The following CEP170 variants were observed in gnomAD, a reference collection of about 807,000 sequenced individuals.
CEP170 encodes the protein centrosomal protein of 170 kDa.
CEP170 carries 21 observed loss-of-function variants against 151.9 expected under a neutral mutation model. That is an observed-to-expected ratio of 0.14 (90% CI 0.10 to 0.20). The LOEUF (loss-of-function observed/expected upper bound fraction) is 0.20. Ranked by LOEUF, CEP170 falls within the 10% of genes least tolerant of loss-of-function variation. The probability of loss-of-function intolerance (pLI) is 1.00; values close to 1 mark genes in which losing one functional copy is unlikely to be tolerated. For synonymous variants in CEP170, 356 were observed against 648.8 expected, an observed-to-expected ratio of 0.55 and a Z score of 6.86; for missense variants, 964 against 1,892.9, an observed-to-expected ratio of 0.51 and a Z score of 9.11.
At chr1:243,221,588 A>G (rs1025336979) in intron 3 of CEP170, 136 bp downstream of exon 3, 14 of 816,162 alleles carry the variant, frequency 1.7e-5, no homozygotes, top group Non-Finnish European at 2.7e-5. Context: ...CCAAAGTGCT[A>G]TGTACCTGAT....
intron 4 of CEP170, among the ~76,000 whole-genome samples, chr1:243,204,341 G>T (rs2061267063): frequency 6.6e-6 from 1 of 152,128 alleles, no homozygotes. Flanking sequence ...TATAGTTTTA[G>T]ATGCTATGAT....
Position 243,164,516 on chromosome 1 carries a change from A to T in CEP170, c.3444T>A (p.Asp1148Glu). 6.2e-7 allele frequency: 1 copy of T among 1,612,622 alleles called. No homozygotes were observed. Among genetic ancestry groups the T allele is most frequent in the East Asian group, 2.2e-5 (1 of 44,854 alleles). Residue 1148 changes from aspartate to glutamate, a missense_variant, in exon 13 of 20, where the codon GAT (aspartate) becomes GAA (glutamate). Transcript: ENST00000366542. ...GTGTTCTACGAGGCTGAGCCAATAA[A>T]TCAATCCGAGAGATGTTACGCCTTC... ...PTGRRNISRI[D>E]LLAQPRRTRL...
chr1:243,244,471 C>T lies in CEP170; in HGVS notation c.-42+10569G>A, dbSNP rs868679887. 7.2e-5 allele frequency among the ~76,000 whole-genome samples: 11 copies of T among 152,160 alleles called. No individual in the cohort carries two copies. The Middle Eastern group carries it at 0.01, about 141-fold the overall frequency. On this transcript the variant is annotated intron_variant, in intron 1 of 19. Transcript: ENST00000366542. ...AAAGTAAAAACTCTGGGCCAGGAGC[C>T]GTGGCTCACGCCTGTAATCACAGCA...
At chr1:243,178,536 A>C (rs1296836698) in intron 10 of CEP170, among the ~76,000 whole-genome samples, 2 of 152,112 alleles carry the variant, frequency 1.3e-5, no homozygotes, top group African/African-American at 4.8e-5. Flanking sequence ...GTGACTGCTT[A>C]ATGATCATGA....
intron 5 of CEP170, 28 bp downstream of exon 5, chr1:243,200,749 G>T: frequency 6.2e-7 from 1 of 1,608,358 alleles, no homozygotes; most frequent in Non-Finnish European, 8.5e-7. Flanking sequence ...GAGTAGATTT[G>T]CAAAAGAAGT....
At chr1:243,184,969 G>A (rs145033096) in intron 10 of CEP170, among the ~76,000 whole-genome samples, 2,627 of 152,214 alleles carry the variant, frequency 0.017, 77 homozygotes, top group African/African-American at 0.061. Flanking sequence ...AAAGATTAAC[G>A]TTTAGCCAAA....
Position 243,186,350 on chromosome 1 carries a change from G to A in CEP170, c.1181C>T (p.Ala394Val), listed in dbSNP as rs1294262957. 6.2e-7 allele frequency: 1 copy of A among 1,613,542 alleles called. No individual in the cohort carries two copies. Among genetic ancestry groups the A allele is most frequent in the Non-Finnish European group, 8.5e-7 (1 of 1,179,694 alleles). Residue 394 changes from alanine (A) to valine (V), a missense_variant, in exon 9 of 20, where the codon GCA becomes GTA. Physicochemically the swap from Ala to Val is moderately conservative, Grantham distance 64. Transcript: ENST00000366542. The stretch of plus-strand genomic sequence containing the variant: ...GCGTCTTAAGTGTTCCTCAAGAGTT[G>A]CACGTTTGCTACAGCGCCTGTGAGC... ...AGAHRRCSKR[A>V]TLEEHLRRHH...
chr1:243,190,637 T>C (rs1389047997), intron 8 of CEP170, among the ~76,000 whole-genome samples: 2 of 152,212 alleles, frequency 1.3e-5, no homozygotes, highest in Non-Finnish European at 2.9e-5. Flanking sequence ...TTTCAGAATC[T>C]AGATATTGAT....
chr1:243,128,606 G>C, intron 18 of CEP170: 1 of 233,982 alleles, frequency 4.3e-6, no homozygotes, highest in Non-Finnish European at 8.2e-6. Flanking sequence ...TCACTCTGTC[G>C]CCCAGACTGG....
At chr1:243,156,770 A>G (rs1389728901) in intron 13 of CEP170, 1 of 224,204 alleles carries the variant, frequency 4.5e-6, no homozygotes, top group African/African-American at 2.2e-5. Flanking sequence ...TCGATGTTTA[A>G]CTGGAGTACT....
rs532584708 is a variant in CEP170, at chr1:243,179,008, C to T, written c.1567-6162G>A. On this transcript the variant is annotated intron_variant, in intron 10 of 19. Coordinates refer to ENST00000366542, the MANE Select transcript of CEP170 (RefSeq NM_014812.3). ...CTGGGATTACAGGCGTGAGCCACTG[C>T]GCTCAGCCTCTGTCTTCTTCCTTTG... 3.9e-5 allele frequency among the ~76,000 whole-genome samples: 6 copies of T among 152,290 alleles called. No individual in the cohort carries two copies. The East Asian group carries it at 1.2e-3, about 29-fold the overall frequency.
At chr1:243,175,460 A>G (rs996991958) in intron 10 of CEP170, among the ~76,000 whole-genome samples, 11 of 152,236 alleles carry the variant, frequency 7.2e-5, no homozygotes, top group South Asian at 4.1e-4. Context: ...ATTGAAATCC[A>G]TATCTATGCG....
chr1:243,136,879 T>C (rs1766015), intron 16 of CEP170, among the ~76,000 whole-genome samples: 5,814 of 151,198 alleles, frequency 0.038, 368 homozygotes, highest in African/African-American at 0.13. Flanking sequence ...TCCTTGTTCT[T>C]CAGCAAAGAG....
chr1:243,221,847 AAAATACTAGAAT>A (rs2062844698), intron 2 of CEP170, 34 bp from the exon 3 acceptor site: 1 of 1,558,592 alleles, frequency 6.4e-7, no homozygotes, highest in African/African-American at 1.4e-5. Context: ...TAAATATAAG[AAAATACTAGAAT>A]AAATACCAGT....
chr1:243,152,521 A>ATTTTT (rs371392454), intron 14 of CEP170, among the ~76,000 whole-genome samples: 1,428 of 54,934 alleles, frequency 0.026, 363 homozygotes, highest in Non-Finnish European at 0.034. Flanking sequence ...GCGCCCAGCC[A>ATTTTT]TTTTTTTTTT....
At chr1:243,254,811 A>G (rs1350223784) in intron 1 of CEP170, among the ~76,000 whole-genome samples, 1 of 146,298 alleles carries the variant, frequency 6.8e-6, no homozygotes, top group Non-Finnish European at 1.5e-5. Flanking sequence ...GGGGGATGGG[A>G]AGGGTGGTCC....
chr1:243,164,930 C>G lies in CEP170; in HGVS notation c.3030G>C (p.Gln1010His). 6.2e-7 allele frequency: 1 copy of G among 1,613,878 alleles called. No homozygotes were observed. The highest frequency in any genetic ancestry group is 8.5e-7 in the Non-Finnish European group (1 of 1,179,730). Residue 1010 changes from glutamine to histidine, a missense_variant, in exon 13 of 20, where the codon CAG becomes CAC. Physicochemically the swap from Gln to His is conservative, Grantham distance 24 (BLOSUM62 0). Coordinates refer to ENST00000366542, the MANE Select transcript of CEP170 (RefSeq NM_014812.3). Reference sequence around the variant, plus strand: ...AGGGCTGTCTTATTCTCCCACTGGACTGAACAAATTTACGACCATCTGCTC... The same window carrying G: ...AGGGCTGTCTTATTCTCCCACTGGAGTGAACAAATTTACGACCATCTGCTC... ...GSRADGRKFV[Q>H]SSGRIRQPSV...
chr1:243,180,000 A>G (rs532851632), intron 10 of CEP170, among the ~76,000 whole-genome samples: 3 of 152,332 alleles, frequency 2.0e-5, no homozygotes, highest in African/African-American at 7.2e-5. Flanking sequence ...CCATTTTTCA[A>G]GACAAAAAGT....
intron 15 of CEP170, 45 bp from the exon 16 acceptor site, chr1:243,140,152 A>G (rs2055658437): frequency 6.3e-7 from 1 of 1,585,794 alleles, no homozygotes. Context: ...AGTAATTTGA[A>G]AAAGTACCAA....
Sources: allele counts gnomAD v4.1 joint callset (sites outside exome capture counted in the v4.1 genomes callset), GRCh38; gene constraint gnomAD v4.1.1; transcripts MANE v1.5; gene names NCBI Gene and HGNC (gene_info 2026-07-23, HGNC 2026-07-21).